The following UBE3D variants were observed in gnomAD, a reference collection of about 807,000 sequenced individuals.
UBE3D encodes the protein ubiquitin protein ligase E3D, also known as E3 ubiquitin-protein ligase E3D.
Under a neutral mutation model 49.6 loss-of-function variants are expected in UBE3D, and 48 were observed. The ratio of observed to expected loss-of-function variants is 0.97; its 90% CI spans 0.77 to 1.23. The LOEUF (loss-of-function observed/expected upper bound fraction) is 1.23. Ranked by LOEUF, UBE3D falls within the 50% of genes most tolerant of loss-of-function variation. The pLI, the probability that UBE3D is intolerant of heterozygous loss-of-function variation, is 0.00. For missense variants in UBE3D, 452 were observed against 468.4 expected (o/e 0.96, Z 0.32); for synonymous variants, 189 against 174.2 (o/e 1.08, Z -0.67).
chr6:82,925,906 G>T (rs1773714183), intron 9 of UBE3D, among the ~76,000 whole-genome samples: 1 of 151,896 alleles, frequency 6.6e-6, no homozygotes, highest in Non-Finnish European at 1.5e-5. Flanking sequence ...GCTCATTTAG[G>T]TAGAAAAAAA....
intron 9 of UBE3D, among the ~76,000 whole-genome samples, chr6:82,955,348 T>C (rs1287259315): frequency 6.6e-6 from 1 of 152,190 alleles, no homozygotes; most frequent in Admixed American, 6.5e-5. Flanking sequence ...ACTGTTCTAT[T>C]TCCCCCAATA....
chr6:83,065,422 G>A (rs1353064855), intron 1 of UBE3D, among the ~76,000 whole-genome samples: 1 of 152,166 alleles, frequency 6.6e-6, no homozygotes, highest in Non-Finnish European at 1.5e-5. Context: ...CTGAGACCCT[G>A]AATTTCTAAA....
intron 5 of UBE3D, chr6:83,032,102 C>T (rs913629214): frequency 9.1e-6 from 4 of 439,018 alleles, no homozygotes; most frequent in Non-Finnish European, 1.8e-5. Flanking sequence ...CACTGTGGCA[C>T]TGCCTGGTGG....
chr6:82,959,439 T>C (rs536194488), intron 8 of UBE3D, among the ~76,000 whole-genome samples: 3 of 151,836 alleles, frequency 2.0e-5, no homozygotes, highest in African/African-American at 7.2e-5. Context: ...CAGAACTTCA[T>C]TCTCCCCTGC....
intron 2 of UBE3D, among the ~76,000 whole-genome samples, chr6:83,056,252 C>T (rs1222881853): frequency 6.6e-6 from 1 of 152,110 alleles, no homozygotes; most frequent in African/African-American, 2.4e-5. Flanking sequence ...GGTCTCTATT[C>T]CTCCATCTCT....
At chr6:82,905,627 G>C (rs1209991687) in intron 9 of UBE3D, among the ~76,000 whole-genome samples, 1 of 152,044 alleles carries the variant, frequency 6.6e-6, no homozygotes, top group Non-Finnish European at 1.5e-5. Flanking sequence ...AAAAGCTAGA[G>C]AGAAAAATGT....
At chr6:82,929,043 A>G (rs1773949700) in intron 9 of UBE3D, among the ~76,000 whole-genome samples, 1 of 152,216 alleles carries the variant, frequency 6.6e-6, no homozygotes, top group African/African-American at 2.4e-5. Flanking sequence ...GGCTACTATG[A>G]TTCTTGCTTG....
chr6:82,970,578 G>A (rs549541054), intron 8 of UBE3D, among the ~76,000 whole-genome samples: 9 of 152,218 alleles, frequency 5.9e-5, no homozygotes, highest in South Asian at 2.1e-4. Flanking sequence ...TGTGGCTCAC[G>A]CCTGTAATCC....
intron 9 of UBE3D, among the ~76,000 whole-genome samples, chr6:82,905,681 C>T (rs1772049395): frequency 6.6e-6 from 1 of 152,102 alleles, no homozygotes; most frequent in African/African-American, 2.4e-5. Flanking sequence ...TTCACTGCAA[C>T]ATACCAACAA....
In UBE3D at chr6:82,892,965, G is replaced by T; in HGVS notation, c.*57C>A. 1 of 1,606,894 alleles carries T rather than the reference G, an allele frequency of 6.2e-7. No homozygotes were observed. Among genetic ancestry groups the T allele is most frequent in the South Asian group, 1.1e-5 (1 of 90,928 alleles). Reference sequence around the variant, plus strand: ...GCCTCCTGAGCTGACTGCTGGCCTCGGTGTGCTCCTGCTTGAGAGCTGTCT... The same window carrying T: ...GCCTCCTGAGCTGACTGCTGGCCTCTGTGTGCTCCTGCTTGAGAGCTGTCT... On this transcript the variant is annotated 3_prime_UTR_variant, in exon 10 of 10. Coordinates refer to ENST00000369747, the MANE Select transcript of UBE3D (RefSeq NM_198920.3).
At chr6:82,994,746 T>C (rs1442602055) in intron 8 of UBE3D, among the ~76,000 whole-genome samples, 1 of 152,148 alleles carries the variant, frequency 6.6e-6, no homozygotes, top group Admixed American at 6.5e-5. Context: ...TTGGAAACAA[T>C]TAAAGACAAA....
intron 9 of UBE3D, among the ~76,000 whole-genome samples, chr6:82,945,567 T>C (rs764679478): frequency 7.2e-5 from 11 of 152,074 alleles, no homozygotes; most frequent in Non-Finnish European, 8.8e-5. Context: ...AAGACTACAA[T>C]AAATACCTAA....
At chr6:82,992,890 G>A (rs1444666397) in intron 8 of UBE3D, among the ~76,000 whole-genome samples, 1 of 152,020 alleles carries the variant, frequency 6.6e-6, no homozygotes, top group African/African-American at 2.4e-5. Flanking sequence ...GTATTTGTCA[G>A]ATAAGTGGCG....
At chr6:82,982,807 T>G (rs933480698) in intron 8 of UBE3D, among the ~76,000 whole-genome samples, 1 of 152,182 alleles carries the variant, frequency 6.6e-6, no homozygotes, top group Non-Finnish European at 1.5e-5. Context: ...CTACGCTGTT[T>G]TCATTTGTTC....
At chr6:83,054,274 T>C (rs201050747) in intron 2 of UBE3D, 36 bp from the exon 3 acceptor site, 11 of 1,494,426 alleles carry the variant, frequency 7.4e-6, no homozygotes, top group Admixed American at 1.7e-5. Context: ...ATCTTAGAGA[T>C]TGAAACAAAT....
intron 8 of UBE3D, among the ~76,000 whole-genome samples, chr6:82,966,266 G>A (rs867427660): frequency 1.3e-5 from 2 of 152,154 alleles, no homozygotes; most frequent in African/African-American, 4.8e-5. Context: ...GGAATGGGGA[G>A]TGATTGCTAG....
At chr6:83,016,447 A>G (rs1219613722) in intron 8 of UBE3D, among the ~76,000 whole-genome samples, 1 of 152,078 alleles carries the variant, frequency 6.6e-6, no homozygotes, top group Non-Finnish European at 1.5e-5. Flanking sequence ...AGTCCTTAGC[A>G]TTTTTGGATG....
intron 8 of UBE3D, among the ~76,000 whole-genome samples, chr6:82,977,842 A>AAAC (rs780613308): frequency 6.6e-6 from 1 of 152,158 alleles, no homozygotes; most frequent in Non-Finnish European, 1.5e-5. Context: ...CCGTCTCAAA[A>AAAC]AACAACAACA....
At chr6:82,955,514 C>T (rs1325604388) in intron 9 of UBE3D, among the ~76,000 whole-genome samples, 2 of 152,196 alleles carry the variant, frequency 1.3e-5, no homozygotes, top group Non-Finnish European at 2.9e-5. Flanking sequence ...TTTCTTGTCT[C>T]TCCCTCCATG....
Sources: gnomAD v4.1 joint callset for allele counts (sites outside exome capture counted in the v4.1 genomes callset) on GRCh38, gnomAD v4.1.1 for gene constraint, MANE v1.5 for transcripts, NCBI Gene and HGNC (gene_info 2026-07-23, HGNC 2026-07-21) for gene names.